The following ACOT7 variants were observed in gnomAD, a reference collection of about 807,000 sequenced individuals.
The protein encoded by ACOT7 is acyl-CoA thioesterase 7, also known as cytosolic acyl coenzyme A thioester hydrolase.
In ACOT7, 12 loss-of-function variants were observed where a neutral mutation model predicts 40.2. That is an observed-to-expected ratio of 0.30 (90% CI 0.19 to 0.48). ACOT7 has a LOEUF of 0.48. ACOT7 is among the 20% of genes least tolerant of loss of function. The pLI is 0.99. For missense variants in ACOT7, 395 were observed against 530.8 expected, an observed-to-expected ratio of 0.74 and a Z score of 2.51; for synonymous variants, 228 against 219.5, an observed-to-expected ratio of 1.04 and a Z score of -0.34.
rs1479088731 is a variant in ACOT7, at chr1:6,317,558, G to A, written c.712+934C>T. On this transcript the variant is annotated intron_variant, in intron 6 of 8. Coordinates refer to ENST00000361521, the MANE Select transcript of ACOT7 (RefSeq NM_007274.4). The stretch of plus-strand genomic sequence containing the variant: ...TAACGAGTCACTGCCGGTGAGTCAC[G>A]ATGCTAGTCTTTGGGGCCATCGGTG... 8.5e-5 allele frequency among the ~76,000 whole-genome samples: 13 copies of A among 152,228 alleles called. 1 individual carries two copies. The South Asian group carries it at 1.7e-3, about 19-fold the overall frequency.
At chr1:6,341,094 A>C (rs1224254589) in intron 2 of ACOT7, among the ~76,000 whole-genome samples, 3 of 151,832 alleles carry the variant, frequency 2.0e-5, no homozygotes, top group Non-Finnish European at 2.9e-5. Context: ...TTTTTCATTC[A>C]GTATGGGAAA....
chr1:6,303,583 C>T (rs766881851), intron 6 of ACOT7, among the ~76,000 whole-genome samples: 28 of 152,190 alleles, frequency 1.8e-4, no homozygotes, highest in Non-Finnish European at 2.6e-4. Flanking sequence ...GTTCTGTGGG[C>T]GGCAATCTGA....
chr1:6,337,359 G>A (rs72633430), intron 3 of ACOT7, among the ~76,000 whole-genome samples: 1 of 152,332 alleles, frequency 6.6e-6, no homozygotes, highest in Non-Finnish European at 1.5e-5. Flanking sequence ...AAGAGCGAGG[G>A]ATCCTCACGA....
intron 6 of ACOT7, among the ~76,000 whole-genome samples, chr1:6,305,455 G>A (rs1259002113): frequency 1.3e-5 from 2 of 150,668 alleles, no homozygotes; most frequent in African/African-American, 2.5e-5. Context: ...GGGTGGAGAC[G>A]CTCCTCACTT....
chr1:6,379,025 A>C (rs532631959), intron 1 of ACOT7, among the ~76,000 whole-genome samples: 2 of 151,774 alleles, frequency 1.3e-5, no homozygotes, highest in Non-Finnish European at 2.9e-5. Context: ...CCTCCCAAGT[A>C]GCTGGGACTA....
rs1639246475 is a variant in ACOT7, at chr1:6,278,026, C to A, written c.1014+3076G>T. ...TTAGAGCTCTGGCTGACCCGGGCAGCCAGGCGCCTGCTCCTGGATATGTGA... is the reference window on the plus strand; with the variant it reads ...TTAGAGCTCTGGCTGACCCGGGCAGACAGGCGCCTGCTCCTGGATATGTGA... On this transcript the variant is annotated intron_variant, in intron 8 of 8. Transcript: ENST00000361521. The surrounding 1 kb of genome is among the most constrained non-coding windows in gnomAD (Gnocchi z 4.1). Among the ~76,000 whole-genome samples the A allele has an allele frequency of 6.6e-6, 1 of 151,984 alleles. No homozygotes were observed.
chr1:6,325,869 G>A (rs1640785091), intron 5 of ACOT7, among the ~76,000 whole-genome samples: 1 of 152,200 alleles, frequency 6.6e-6, no homozygotes, highest in Non-Finnish European at 1.5e-5. Context: ...AGGTTAGCAG[G>A]GGCCAGGGCG....
intron 1 of ACOT7, among the ~76,000 whole-genome samples, chr1:6,391,419 T>C (rs1642530464): frequency 6.6e-6 from 1 of 152,096 alleles, no homozygotes; most frequent in Non-Finnish European, 1.5e-5. Context: ...GGCCCAAGAA[T>C]CACTTGAGCC....
intron 8 of ACOT7, among the ~76,000 whole-genome samples, chr1:6,272,965 A>G (rs1420011104): frequency 6.6e-6 from 1 of 152,242 alleles, no homozygotes; most frequent in Non-Finnish European, 1.5e-5. Flanking sequence ...CAGTGGGGAC[A>G]GAGAGGCCCC....
intron 1 of ACOT7, among the ~76,000 whole-genome samples, chr1:6,357,764 G>T (rs541254588): frequency 6.6e-6 from 1 of 152,190 alleles, no homozygotes; most frequent in Non-Finnish European, 1.5e-5. Context: ...AAACAGGCAC[G>T]TGGATGGGTG....
chr1:6,373,779 C>T (rs1480661642), intron 1 of ACOT7, among the ~76,000 whole-genome samples: 5 of 151,644 alleles, frequency 3.3e-5, no homozygotes, highest in African/African-American at 4.8e-5. Context: ...GCAGGAGAAT[C>T]GCTTGAATCC....
chr1:6,358,970 C>G lies in ACOT7; in HGVS notation c.144-9104G>C. 1 of 1,465,588 alleles carries G rather than the reference C, an allele frequency of 6.8e-7. No homozygotes were observed. The highest frequency in any genetic ancestry group is 9.1e-7 in the Non-Finnish European group (1 of 1,095,702). The allele number at this position is 1,465,588 out of a possible 1,614,324, so 90.8% of individuals were successfully genotyped here. A position where few individuals can be genotyped will look rare whatever the true frequency, so the allele number is the denominator to read the frequency against. ...CACACCGGGCTTGGTGGGGAGCACC[C>G]CCCACCCCCAGCTTCCTGAGCTGCC... is the stretch of plus-strand genomic sequence containing the variant. On this transcript the variant is annotated intron_variant, in intron 1 of 8. Coordinates refer to ENST00000361521, the MANE Select transcript of ACOT7 (RefSeq NM_007274.4). This position sits in a 1 kb window ranked among gnomAD's most constrained non-coding sequence, Gnocchi z 4.1.
chr1:6,272,575 G>T (rs1419282176), intron 8 of ACOT7, among the ~76,000 whole-genome samples: 1 of 152,170 alleles, frequency 6.6e-6, no homozygotes, highest in Non-Finnish European at 1.5e-5. Context: ...CCACCGTGTG[G>T]GGCACAGGGC....
chr1:6,353,277 C>T (rs758215703), intron 1 of ACOT7, among the ~76,000 whole-genome samples: 1 of 151,996 alleles, frequency 6.6e-6, no homozygotes, highest in African/African-American at 2.4e-5. Flanking sequence ...CACAATTGCA[C>T]CACTGCACTC....
At position 6,297,172 on chromosome 1, in the gene ACOT7, G is replaced by T. The variant is rs147783528; in HGVS notation, c.713-2192C>A. Among the ~76,000 whole-genome samples the T allele has an allele frequency of 3.1e-3, 466 of 152,042 alleles. 3 individuals carry two copies. The highest frequency in any genetic ancestry group is 0.011 in the African/African-American group (440 of 41,442). Reference sequence around the variant, plus strand: ...TCCTGCCTCCGCCTCCTAGTAGCTGGGATTACAGATGTGTACCACCACACC... The same window carrying T: ...TCCTGCCTCCGCCTCCTAGTAGCTGTGATTACAGATGTGTACCACCACACC... On this transcript the variant is annotated intron_variant, in intron 6 of 8. Coordinates refer to ENST00000361521, the MANE Select transcript of ACOT7 (RefSeq NM_007274.4).
intron 1 of ACOT7, among the ~76,000 whole-genome samples, chr1:6,380,939 A>G (rs1056019489): frequency 4.6e-5 from 7 of 151,856 alleles, no homozygotes; most frequent in African/African-American, 1.4e-4. Context: ...GAGTATAAAC[A>G]CATCCCACAG....
At chr1:6,344,816 C>T (rs1358090978) in intron 2 of ACOT7, among the ~76,000 whole-genome samples, 1 of 151,410 alleles carries the variant, frequency 6.6e-6, no homozygotes, top group Non-Finnish European at 1.5e-5. Context: ...AGTAATGTCT[C>T]CCAGGCATCC....
In ACOT7 at chr1:6,306,589, C is replaced by G. The variant is rs1640163405; in HGVS notation, c.713-11609G>C. ...GAACGATGTTTTCAAACACCAAGAT[C>G]CTAGAAGGCGAGTACTAGAAGGAAT... On this transcript the variant is annotated intron_variant, in intron 6 of 8. Coordinates refer to ENST00000361521, the MANE Select transcript of ACOT7 (RefSeq NM_007274.4). The surrounding 1 kb of genome is among the most constrained non-coding windows in gnomAD (Gnocchi z 4.3). 1 of 985,268 alleles carries G rather than the reference C, an allele frequency of 1.0e-6. No individual in the cohort carries two copies. Among genetic ancestry groups the G allele is most frequent in the South Asian group, 4.7e-5 (1 of 21,290 alleles). The allele number at this position is 985,268 out of a possible 1,614,324, so 61.0% of individuals were successfully genotyped here.
At chr1:6,347,519 C>G (rs185572301) in intron 2 of ACOT7, among the ~76,000 whole-genome samples, 71 of 152,316 alleles carry the variant, frequency 4.7e-4, no homozygotes, top group African/African-American at 1.7e-3. Context: ...AATCCCAGCA[C>G]TTTGTGAGGC....
Sources: allele counts gnomAD v4.1 joint callset (sites outside exome capture counted in the v4.1 genomes callset), GRCh38; gene constraint gnomAD v4.1.1; non-coding constraint Gnocchi (gnomAD v3.1); transcripts MANE v1.5; gene names NCBI Gene and HGNC (gene_info 2026-07-23, HGNC 2026-07-21).